IGF2R: variants seen among roughly 807,000 people sequenced by gnomAD.
IGF2R encodes cation-independent mannose-6-phosphate receptor.
In IGF2R, 91 loss-of-function variants were observed where a neutral mutation model predicts 270.6. That is an observed-to-expected ratio of 0.34 (90% confidence interval 0.28 to 0.40). IGF2R has a LOEUF of 0.40. Ranked by LOEUF, IGF2R falls within the 10% of genes least tolerant of loss-of-function variation. The pLI, the probability that IGF2R is intolerant of heterozygous loss-of-function variation, is 1.00. For missense variants in IGF2R, 2,805 were observed against 3,188.3 expected, an observed-to-expected ratio of 0.88 and a Z score of 2.90; for synonymous variants, 1,316 against 1,258.9, an observed-to-expected ratio of 1.05 and a Z score of -0.96.
intron 24 of IGF2R, 42 bp downstream of exon 24, chr6:160,061,688 A>T (rs1044797817): frequency 6.2e-7 from 1 of 1,613,604 alleles, no homozygotes; most frequent in Non-Finnish European, 8.5e-7. Context: ...TGTTCATTTT[A>T]TTAGAGCATT....
intron 2 of IGF2R, among the ~76,000 whole-genome samples, chr6:159,992,781 T>C (rs1783999077): frequency 6.6e-6 from 1 of 152,230 alleles, no homozygotes. Flanking sequence ...TATTCAGTAG[T>C]GGGATTGCTG....
chr6:160,009,398 G>C (rs1784298240), intron 3 of IGF2R, among the ~76,000 whole-genome samples: 1 of 152,146 alleles, frequency 6.6e-6, no homozygotes, highest in African/African-American at 2.4e-5. Flanking sequence ...TCAGTGCACT[G>C]TTTAATGTTT....
rs1482652441 is a variant in IGF2R at position 160,064,833 on chromosome 6, T to C, written c.4047T>C (p.Cys1349=). The change falls in exon 29 of 48, where the codon TGT becomes TGC. Residue 1349 remains cysteine, a synonymous_variant. Transcript: ENST00000356956. ...RPVFLKETSD[C]SYLFEWRTQY... ...TATTTCTAAAGGAGACTTCAGATTG[T>C]TCCTACTTGTTTGAGTGGCGAACGC... 1 of 1,613,664 alleles carries C rather than the reference T, an allele frequency of 6.2e-7. No homozygotes were observed. Among genetic ancestry groups the C allele is most frequent in the Non-Finnish European group, 8.5e-7 (1 of 1,179,492 alleles).
Position 160,061,781 on chromosome 6 carries a change from A to G in IGF2R, c.3435A>G (p.Ser1145=). 1 of 1,614,196 alleles carries G rather than the reference A, an allele frequency of 6.2e-7. No individual in the cohort carries two copies. The highest frequency in any genetic ancestry group is 8.5e-7 in the Non-Finnish European group (1 of 1,180,044). Residue 1145 remains serine, a synonymous_variant, in exon 25 of 48, where the codon TCA becomes TCG. Coordinates refer to ENST00000356956, the MANE Select transcript of IGF2R (RefSeq NM_000876.4). Reference sequence around the variant, plus strand: ...GCGCAGTGGGGTCTTGCTTAGTGTCAGAAGGCAATAGCTGGAATCTGGGTG... The same window carrying G: ...GCGCAGTGGGGTCTTGCTTAGTGTCGGAAGGCAATAGCTGGAATCTGGGTG... ...QGSAVGSCLV[S]EGNSWNLGVV...
At position 160,082,703 on chromosome 6, in the gene IGF2R, G is replaced by A. The variant is rs16888659; in HGVS notation, c.5834-1247G>A. The stretch of plus-strand genomic sequence containing the variant: ...GGGCTGTGGGGTTATTAAGAAGTAC[G>A]ATGAAAGGCTGTGTGCCAAGGAGCT... On this transcript the variant is annotated intron_variant, in intron 39 of 47. Transcript: ENST00000356956. Among the ~76,000 whole-genome samples the A allele has an allele frequency of 5.8e-3, 889 of 152,356 alleles. 52 individuals are homozygous for A. The East Asian group carries it at 0.13, about 22-fold the overall frequency.
intron 11 of IGF2R, among the ~76,000 whole-genome samples, chr6:160,042,946 T>C (rs936830895): frequency 3.9e-5 from 6 of 152,136 alleles, no homozygotes; most frequent in African/African-American, 1.4e-4. Flanking sequence ...TTTGTTTCTG[T>C]CACATTAAAT....
At chr6:160,010,179 T>C (rs1331529628) in intron 3 of IGF2R, among the ~76,000 whole-genome samples, 1 of 152,182 alleles carries the variant, frequency 6.6e-6, no homozygotes, top group Admixed American at 6.5e-5. Flanking sequence ...GCTTGTGTCA[T>C]CCTGCGATGC....
rs577647803 is a variant in IGF2R at position 159,998,301 on chromosome 6, C to A, written c.289+6978C>A. Among the ~76,000 whole-genome samples the A allele has an allele frequency of 6.6e-6, 1 of 152,254 alleles. No homozygotes were observed. The highest frequency in any genetic ancestry group is 6.5e-5 in the Admixed American group (1 of 15,300). Reference sequence around the variant, plus strand: ...TAGTATGGTATGGTATAGTGTAATACCACATAGACTGATGCCAGATGGAGG... The same window carrying A: ...TAGTATGGTATGGTATAGTGTAATAACACATAGACTGATGCCAGATGGAGG... On this transcript the variant is annotated intron_variant, in intron 2 of 47. Transcript: ENST00000356956. The surrounding 1 kb of genome is among the most constrained non-coding windows in gnomAD (Gnocchi z 4.1).
chr6:160,101,128 A>C (rs1342840650), intron 45 of IGF2R, among the ~76,000 whole-genome samples: 1 of 151,964 alleles, frequency 6.6e-6, no homozygotes, highest in Non-Finnish European at 1.5e-5. Flanking sequence ...AATTAACTAC[A>C]TACATGATGC....
At chr6:160,079,039 G>A (rs1274095462) in intron 37 of IGF2R, among the ~76,000 whole-genome samples, 1 of 152,170 alleles carries the variant, frequency 6.6e-6, no homozygotes, top group African/African-American at 2.4e-5. Flanking sequence ...ACGGCGGCTG[G>A]TGAGTGATGA....
chr6:160,032,986 A>C lies in IGF2R; in HGVS notation c.1090A>C (p.Asn364His). ...TGGAAAAGAATATTTGTTTTATTTGAATGTCTGTGGAGAAACTGAAATACA... is the reference window on the plus strand; with the variant it reads ...TGGAAAAGAATATTTGTTTTATTTGCATGTCTGTGGAGAAACTGAAATACA... ...SDGKEYLFYLNVCGETEIQFC... is the reference protein window; with the variant it reads ...SDGKEYLFYLHVCGETEIQFC... The change falls in exon 9 of 48, where the codon AAT (asparagine) becomes CAT (histidine). Residue 364 changes from asparagine (N) to histidine (H), a missense_variant. By Grantham distance (68) the Asn-to-His change is moderately conservative. This residue lies in a region of IGF2R where 954 missense variants were observed against 981.1 expected (regional missense o/e 0.97). Coordinates refer to ENST00000356956, the MANE Select transcript of IGF2R (RefSeq NM_000876.4). 2 of 1,603,356 alleles carry C rather than the reference A, an allele frequency of 1.2e-6. No individual in the cohort carries two copies. Among genetic ancestry groups the C allele is most frequent in the Non-Finnish European group, 8.5e-7 (1 of 1,170,568 alleles).
At chr6:160,058,355 G>C (rs1449000453) in intron 21 of IGF2R, among the ~76,000 whole-genome samples, 1 of 152,150 alleles carries the variant, frequency 6.6e-6, no homozygotes, top group Non-Finnish European at 1.5e-5. Flanking sequence ...ATAATAAGTT[G>C]TTCTCTTTAA....
intron 4 of IGF2R, among the ~76,000 whole-genome samples, chr6:160,013,694 T>A (rs1784374419): frequency 6.6e-6 from 1 of 152,236 alleles, no homozygotes; most frequent in African/African-American, 2.4e-5. Context: ...AGGGAGCCTA[T>A]AGACTAATGG....
chr6:160,085,223 T>C (rs1249425107), intron 41 of IGF2R, 92 bp downstream of exon 41: 3 of 1,365,892 alleles, frequency 2.2e-6, no homozygotes, highest in Non-Finnish European at 3.0e-6. Context: ...AGAGTGAGCA[T>C]GTGCTTTGGT....
At chr6:159,980,181 A>AAAAAAGAAAGAAAGAAAG (rs1783760645) in intron 1 of IGF2R, among the ~76,000 whole-genome samples, 1 of 122,478 alleles carries the variant, frequency 8.2e-6, no homozygotes, top group African/African-American at 2.9e-5. Context: ...ACTCCGTCTC[A>AAAAAAGAAAGAAAGAAAG]AAAAAGAAAG....
rs139296621 is a variant in IGF2R at position 160,110,641 on chromosome 6, T to C, written c.*5557T>C. 3 of 152,164 alleles carry C rather than the reference T, an allele frequency of 2.0e-5. No individual in the cohort carries two copies. In the South Asian group the frequency reaches 6.2e-4, roughly 32 times the overall value. 9.4% of individuals were successfully genotyped at this position (152,164 alleles called of 1,614,324 possible). On this transcript the variant is annotated 3_prime_UTR_variant, in exon 48 of 48. Coordinates refer to ENST00000356956, the MANE Select transcript of IGF2R (RefSeq NM_000876.4). The stretch of plus-strand genomic sequence containing the variant: ...CTGTTCATTGCAGCATTATTCACAA[T>C]AGCCAAGATAGGGAAAAAGCCTCAG...
chr6:160,056,587 C>T, intron 20 of IGF2R, 62 bp downstream of exon 20: 1 of 1,092,360 alleles, frequency 9.2e-7, no homozygotes, highest in South Asian at 1.2e-5. Flanking sequence ...CAACTCACCC[C>T]AGTGTTCCAG....
At position 160,047,844 on chromosome 6, in the gene IGF2R, C is replaced by G. The variant is rs201251256; in HGVS notation, c.2282C>G (p.Pro761Arg). The change falls in exon 17 of 48, where the codon CCG becomes CGG. Residue 761 changes from proline to arginine, a missense_variant. Pro to Arg is a moderately radical substitution (Grantham distance 103). Transcript: ENST00000356956. ...CGGTGGTACACCAGCTATGCCTGCC[C>G]GGAGGAGCCCCTGGAATGCGTAGTG... The part of the protein sequence containing the change: ...NFRWYTSYAC[P>R]EEPLECVVTD... 4 of 1,614,168 alleles carry G rather than the reference C, an allele frequency of 2.5e-6. No individual in the cohort carries two copies. Among genetic ancestry groups the G allele is most frequent in the Non-Finnish European group, 2.5e-6 (3 of 1,179,990 alleles).
Position 160,102,521 on chromosome 6 carries a change from T to C in IGF2R, c.6845T>C (p.Val2282Ala), listed in dbSNP as rs756835745. ...CCTTTTCTGTGACGTCCTTGCAGGG[T>C]GGGCTTTGACAGCGAGAATCCCGGG... ...WYTSAVCPLG[V>A]GFDSENPGDD... The change falls in exon 46 of 48, where the codon GTG becomes GCG. Residue 2282 changes from valine (V) to alanine (A), a missense_variant and splice_region_variant. Val to Ala is a moderately conservative substitution (Grantham distance 64, BLOSUM62 0). Coordinates refer to ENST00000356956, the MANE Select transcript of IGF2R (RefSeq NM_000876.4). The surrounding 1 kb of genome is among the most constrained non-coding windows in gnomAD (Gnocchi z 4.5). The C allele has an allele frequency of 6.2e-7, 1 of 1,611,320 alleles. No homozygotes were observed. Among genetic ancestry groups the C allele is most frequent in the East Asian group, 2.2e-5 (1 of 44,828 alleles).
Sources: allele counts gnomAD v4.1 joint callset (sites outside exome capture counted in the v4.1 genomes callset), GRCh38; gene constraint gnomAD v4.1.1; regional missense constraint gnomAD v4.1.1; non-coding constraint Gnocchi (gnomAD v3.1); transcripts MANE v1.5; gene names NCBI Gene and HGNC (gene_info 2026-07-23, HGNC 2026-07-21).